Variants in EPN1 observed in about 807,000 individuals in gnomAD.
EPN1 encodes the protein epsin 1.
EPN1 carries 25 observed loss-of-function variants against 56.9 expected under a neutral mutation model. That is an observed-to-expected ratio of 0.44 (90% CI 0.32 to 0.61). EPN1 has a LOEUF of 0.61. EPN1 is among the 20% of genes least tolerant of loss of function. The pLI, the probability that EPN1 is intolerant of heterozygous loss-of-function variation, is 0.05. For missense variants in EPN1, 785 were observed against 823.7 expected (o/e 0.95, Z 0.58); for synonymous variants, 411 against 361.8 (o/e 1.14, Z -1.54).
In EPN1 at chr19:55,709,185, C is replaced by T. The variant is rs1224658477; in HGVS notation, c.*13829C>T. 3.5e-6 allele frequency: 2 copies of T among 567,100 alleles called. No individual in the cohort carries two copies. The highest frequency in any genetic ancestry group is 3.5e-5 in the East Asian group (1 of 28,814). 35.1% of individuals were successfully genotyped at this position (567,100 alleles called of 1,614,324 possible). A position where few individuals can be genotyped will look rare whatever the true frequency, so the allele number is the denominator to read the frequency against. On this transcript the variant is annotated 3_prime_UTR_variant, in exon 11 of 11. Transcript: ENST00000270460. ...GGAGAATTGTACTGAATTTGAAAAA[C>T]AAGCATGAATCTTTCCTATAGGATA... is the stretch of plus-strand genomic sequence containing the variant.
Position 55,706,247 on chromosome 19 carries a change from C to T in EPN1, c.*10891C>T, listed in dbSNP as rs556479058. On this transcript the variant is annotated 3_prime_UTR_variant, in exon 11 of 11. Coordinates refer to ENST00000270460, the MANE Select transcript of EPN1 (RefSeq NM_001130072.2). Reference sequence around the variant, plus strand: ...TTTCCTCCTCTTTCTTCTCCTTTTTCCTCCTCTTTTCTTCCTTTCTTCTCT... The same window carrying T: ...TTTCCTCCTCTTTCTTCTCCTTTTTTCTCCTCTTTTCTTCCTTTCTTCTCT... The T allele has an allele frequency of 2.2e-3, 334 of 148,882 alleles. 1 individual carries two copies. The highest frequency in any genetic ancestry group is 8.4e-3 in the African/African-American group (324 of 38,618). The allele number at this position is 148,882 out of a possible 1,614,324, so 9.2% of individuals were successfully genotyped here.
intron 1 of EPN1, chr19:55,677,680 G>A (rs1040798833): frequency 3.2e-6 from 5 of 1,551,272 alleles, no homozygotes; most frequent in African/African-American, 1.4e-5. Context: ...TTGGGCTTCC[G>A]CTATCCTTGG....
rs780788157 is a variant in EPN1 at position 55,695,285 on chromosome 19, G to A, written c.1660G>A (p.Gly554Arg). ...ACCCACGTACATCTCTCCCCTTGGC[G>A]GGGGCCCTGGCCTGCCCCCCATGAT... ...APPTYISPLG[G>R]GPGLPPMMPP... Residue 554 changes from glycine to arginine, a missense_variant, in exon 11 of 11, where the codon GGG becomes AGG. Coordinates refer to ENST00000270460, the MANE Select transcript of EPN1 (RefSeq NM_001130072.2). This position sits in a 1 kb window ranked among gnomAD's most constrained non-coding sequence, Gnocchi z 4.4. The A allele has an allele frequency of 2.4e-4, 378 of 1,588,382 alleles. No homozygotes were observed. Among genetic ancestry groups the A allele is most frequent in the Non-Finnish European group, 3.1e-4 (358 of 1,169,948 alleles).
At chr19:55,682,282 A>G (rs1425702250) in intron 2 of EPN1, among the ~76,000 whole-genome samples, 1 of 152,226 alleles carries the variant, frequency 6.6e-6, no homozygotes, top group South Asian at 2.1e-4. Flanking sequence ...TGTCTCCCAC[A>G]GCACCGTGTC....
At chr19:55,692,108 C>T (rs544233320) in intron 7 of EPN1, 51 bp downstream of exon 7, 10 of 1,372,924 alleles carry the variant, frequency 7.3e-6, no homozygotes, top group Non-Finnish European at 9.4e-6. Flanking sequence ...GTGCACCTGT[C>T]TTTGGTTGAC....
chr19:55,694,384 A>C lies in EPN1; in HGVS notation c.1265-342A>C. ...GGCAGGCTCCTCTGAGCCTGGAGGCACCTGTGAACACGCCCCCGCTGCCTT... is the reference window on the plus strand; with the variant it reads ...GGCAGGCTCCTCTGAGCCTGGAGGCCCCTGTGAACACGCCCCCGCTGCCTT... On this transcript the variant is annotated intron_variant, in intron 9 of 10. Coordinates refer to ENST00000270460, the MANE Select transcript of EPN1 (RefSeq NM_001130072.2). The surrounding 1 kb of genome is among the most constrained non-coding windows in gnomAD (Gnocchi z 4.2). 1 of 260,556 alleles carries C rather than the reference A, an allele frequency of 3.8e-6. No homozygotes were observed. The highest frequency in any genetic ancestry group is 7.2e-6 in the Non-Finnish European group (1 of 138,642). The allele number at this position is 260,556 out of a possible 1,614,324, so 16.1% of individuals were successfully genotyped here.
At chr19:55,684,652 C>T (rs1039951017) in intron 2 of EPN1, among the ~76,000 whole-genome samples, 1 of 152,180 alleles carries the variant, frequency 6.6e-6, no homozygotes, top group Non-Finnish European at 1.5e-5. Context: ...GGATCTCTTC[C>T]CTTCTTGCAG....
In EPN1 at chr19:55,700,754, CGTT is replaced by C. The variant is rs963669727; in HGVS notation, c.*5401_*5403del. On this transcript the variant is annotated 3_prime_UTR_variant, in exon 11 of 11. Transcript: ENST00000270460. ...TGGTAATGACATGCTCTCTAGTAATCGTTGTGTGTTACTGTCAAAAGGTATAAC... is the reference window on the plus strand; with the variant it reads ...TGGTAATGACATGCTCTCTAGTAATCGTGTGTTACTGTCAAAAGGTATAAC... 1 of 152,264 alleles carries C rather than the reference CGTT, an allele frequency of 6.6e-6. No individual in the cohort carries two copies. Among genetic ancestry groups the C allele is most frequent in the African/African-American group, 2.4e-5 (1 of 41,448 alleles). The allele number at this position is 152,264 out of a possible 1,614,324, so 9.4% of individuals were successfully genotyped here. A position where few individuals can be genotyped will look rare whatever the true frequency, so the allele number is the denominator to read the frequency against.
At position 55,678,596 on chromosome 19, in the gene EPN1, C is replaced by A. The variant is rs758025416; in HGVS notation, c.-32C>A. 6.3e-7 allele frequency: 1 copy of A among 1,583,668 alleles called. No individual in the cohort carries two copies. The highest frequency in any genetic ancestry group is 8.6e-7 in the Non-Finnish European group (1 of 1,166,634). ...CGCCCCATCTCTCCACGCATCGGGGCCCTGTGCCCCTTGCTGCTGCAGCCG... is the reference window on the plus strand; with the variant it reads ...CGCCCCATCTCTCCACGCATCGGGGACCTGTGCCCCTTGCTGCTGCAGCCG... On this transcript the variant is annotated 5_prime_UTR_variant, in exon 2 of 11. Transcript: ENST00000270460.
In EPN1 at chr19:55,704,491, G is replaced by T. The variant is rs2122246868; in HGVS notation, c.*9135G>T. On this transcript the variant is annotated 3_prime_UTR_variant, in exon 11 of 11. Coordinates refer to ENST00000270460, the MANE Select transcript of EPN1 (RefSeq NM_001130072.2). ...AGCCGTCTGGGAGCCAAGGAGAGAG[G>T]CCTTGGCGGAAGCCAACCCTGCAGC... 6.6e-6 allele frequency: 1 copy of T among 152,376 alleles called. No homozygotes were observed. Among genetic ancestry groups the T allele is most frequent in the East Asian group, 1.9e-4 (1 of 5,188 alleles). 9.4% of individuals were successfully genotyped at this position (152,376 alleles called of 1,614,324 possible).
chr19:55,686,959 C>T (rs73062562), intron 3 of EPN1, among the ~76,000 whole-genome samples: 243 of 152,144 alleles, frequency 1.6e-3, no homozygotes, highest in Non-Finnish European at 2.5e-3. Context: ...GAGCTAATGT[C>T]CTCTGCGTTG....
intron 3 of EPN1, among the ~76,000 whole-genome samples, chr19:55,686,661 A>G (rs909175434): frequency 5.9e-5 from 9 of 152,078 alleles, no homozygotes; most frequent in Non-Finnish European, 7.4e-5. Flanking sequence ...ACTCCAGAGT[A>G]GGGACCCACG....
In EPN1 at chr19:55,695,098, G is replaced by A. The variant is rs775905703; in HGVS notation, c.1523-50G>A. 8.1e-6 allele frequency: 13 copies of A among 1,611,306 alleles called. No individual in the cohort carries two copies. Among genetic ancestry groups the A allele is most frequent in the Admixed American group, 1.7e-5 (1 of 59,906 alleles). ...CTGCACATGCTGGATGGACACAGGT[G>A]GGCTGCGCCACTGACTCCACTCCGT... is the stretch of plus-strand genomic sequence containing the variant. On this transcript the variant is annotated intron_variant, in intron 10 of 10. Transcript: ENST00000270460. This position sits in a 1 kb window ranked among gnomAD's most constrained non-coding sequence, Gnocchi z 4.4.
At chr19:55,683,115 G>T (rs1231367723) in intron 2 of EPN1, among the ~76,000 whole-genome samples, 1 of 151,690 alleles carries the variant, frequency 6.6e-6, no homozygotes. Flanking sequence ...GAGTGCAGTG[G>T]TGCTATCTTG....
At chr19:55,685,666 C>T (rs771786278) in intron 3 of EPN1, 21 bp downstream of exon 3, 48 of 1,576,844 alleles carry the variant, frequency 3.0e-5, no homozygotes, top group Middle Eastern at 1.8e-4. Context: ...CCCTGCGGCC[C>T]CTGACGGCCT....
In EPN1 at chr19:55,695,469, C is replaced by T; in HGVS notation, c.*113C>T. 2 of 628,748 alleles carry T rather than the reference C, an allele frequency of 3.2e-6. No homozygotes were observed. The highest frequency in any genetic ancestry group is 5.5e-6 in the Non-Finnish European group (2 of 361,472). The allele number at this position is 628,748 out of a possible 1,614,324, so 38.9% of individuals were successfully genotyped here. On this transcript the variant is annotated 3_prime_UTR_variant, in exon 11 of 11. Transcript: ENST00000270460. This position sits in a 1 kb window ranked among gnomAD's most constrained non-coding sequence, Gnocchi z 4.4. Reference sequence around the variant, plus strand: ...GATCCCCACCCCCAGTGCCCTTCCCCTTCCTGGGGCCCACTCACACTACAC... The same window carrying T: ...GATCCCCACCCCCAGTGCCCTTCCCTTTCCTGGGGCCCACTCACACTACAC...
rs553279882 is a variant in EPN1 at position 55,705,233 on chromosome 19, T to G, written c.*9877T>G. 2 of 152,348 alleles carry G rather than the reference T, an allele frequency of 1.3e-5. No homozygotes were observed. The highest frequency in any genetic ancestry group is 4.1e-4 in the South Asian group (2 of 4,834). 9.4% of individuals were successfully genotyped at this position (152,348 alleles called of 1,614,324 possible). A position where few individuals can be genotyped will look rare whatever the true frequency, so the allele number is the denominator to read the frequency against. ...AGCATAGATACCGATAGCTGCTGAC[T>G]GCAGGGAGATGGGGAGATATGTTTT... On this transcript the variant is annotated 3_prime_UTR_variant, in exon 11 of 11. Transcript: ENST00000270460.
At chr19:55,686,385 C>T (rs1986169316) in intron 3 of EPN1, among the ~76,000 whole-genome samples, 1 of 152,136 alleles carries the variant, frequency 6.6e-6, no homozygotes, top group Non-Finnish European at 1.5e-5. Flanking sequence ...CTCTTCTGCT[C>T]TCCAGGAAGA....
chr19:55,705,192 G>A lies in EPN1; in HGVS notation c.*9836G>A, dbSNP rs1009555350. The A allele has an allele frequency of 2.0e-5, 3 of 152,220 alleles. No individual in the cohort carries two copies. Among genetic ancestry groups the A allele is most frequent in the Non-Finnish European group, 4.4e-5 (3 of 68,052 alleles). 9.4% of individuals were successfully genotyped at this position (152,220 alleles called of 1,614,324 possible). ...AGAGGTCCATGGAGACCTCTTAGGA[G>A]TCTTTGAAGGAACTTAGCATAGATA... On this transcript the variant is annotated 3_prime_UTR_variant, in exon 11 of 11. Coordinates refer to ENST00000270460, the MANE Select transcript of EPN1 (RefSeq NM_001130072.2).
Sources: allele counts gnomAD v4.1 joint callset (sites outside exome capture counted in the v4.1 genomes callset), GRCh38; gene constraint gnomAD v4.1.1; non-coding constraint Gnocchi (gnomAD v3.1); transcripts MANE v1.5; gene names NCBI Gene and HGNC (gene_info 2026-07-23, HGNC 2026-07-21).